The following FCAR variants were observed in gnomAD, a reference collection of about 807,000 sequenced individuals.
The protein encoded by FCAR is Fc alpha receptor, also known as immunoglobulin alpha Fc receptor.
In FCAR, 21 loss-of-function variants were observed where a neutral mutation model predicts 27.1. The ratio of observed to expected loss-of-function variants is 0.77; its 90% confidence interval spans 0.55 to 1.11. The LOEUF (loss-of-function observed/expected upper bound fraction) is 1.11, where lower values mean the gene tolerates loss of function less well. Among genes scored for constraint, FCAR ranks in the 50% most tolerant of loss-of-function variants. The pLI is 0.00. For synonymous variants in FCAR, 134 were observed against 135.8 expected (o/e 0.99, Z 0.09); for missense variants, 404 against 358.4 (o/e 1.13, Z -1.03).
At chr19:54,878,182 G>C (rs587615526) in intron 2 of FCAR, among the ~76,000 whole-genome samples, 1 of 152,340 alleles carries the variant, frequency 6.6e-6, no homozygotes, top group Admixed American at 6.5e-5. Context: ...TTCCCAAAGT[G>C]CTGGGATTAC....
intron 2 of FCAR, among the ~76,000 whole-genome samples, chr19:54,875,917 C>T (rs1276208444): frequency 6.6e-6 from 1 of 152,136 alleles, no homozygotes; most frequent in Non-Finnish European, 1.5e-5. Flanking sequence ...CCTTCTAAAG[C>T]CTGAATTATT....
rs781208047 is a variant in FCAR at position 54,875,376 on chromosome 19, T to G, written c.70+11T>G. On this transcript the variant is annotated intron_variant, in intron 2 of 4. Transcript: ENST00000355524. The stretch of plus-strand genomic sequence containing the variant: ...TTCAGGCACAGGAAGGTAAGTGTCC[T>G]GTAAATCTCTCCCAGCCCCTTTAGA... The G allele has an allele frequency of 1.9e-6, 3 of 1,611,914 alleles. No individual in the cohort carries two copies. In the East Asian group the frequency reaches 6.7e-5, roughly 36 times the overall value.
intron 3 of FCAR, among the ~76,000 whole-genome samples, chr19:54,887,556 G>T (rs924577510): frequency 1.3e-5 from 2 of 151,906 alleles, no homozygotes; most frequent in African/African-American, 2.4e-5. Flanking sequence ...CGGAGGTGGA[G>T]GTTGCAGTGA....
At chr19:54,880,378 G>A (rs150089918) in intron 2 of FCAR, among the ~76,000 whole-genome samples, 2,530 of 152,170 alleles carry the variant, frequency 0.017, 37 homozygotes, top group Non-Finnish European at 0.024. Flanking sequence ...ATGAAATCTC[G>A]TAGTGTGTTT....
At chr19:54,879,745 G>A (rs1457713055) in intron 2 of FCAR, among the ~76,000 whole-genome samples, 2 of 150,532 alleles carry the variant, frequency 1.3e-5, no homozygotes, top group Non-Finnish European at 2.9e-5. Flanking sequence ...GTGCAATGGC[G>A]TGATCTCGGC....
intron 2 of FCAR, among the ~76,000 whole-genome samples, chr19:54,876,735 C>T (rs377392263): frequency 3.1e-4 from 47 of 152,180 alleles, no homozygotes; most frequent in African/African-American, 9.2e-4. Context: ...CTGGCTAACA[C>T]GGTGAAACCT....
chr19:54,884,965 T>C (rs1330532272), intron 2 of FCAR, among the ~76,000 whole-genome samples: 1 of 151,894 alleles, frequency 6.6e-6, no homozygotes, highest in Non-Finnish European at 1.5e-5. Context: ...CGCCACCACG[T>C]CCTGCTAATT....
rs2066951270 is a variant in FCAR at position 54,889,570 on chromosome 19, C to T, written c.650-79C>T. 6 of 1,230,302 alleles carry T rather than the reference C, an allele frequency of 4.9e-6. No individual in the cohort carries two copies. The East Asian group carries it at 9.4e-5, about 19-fold the overall frequency. 76.2% of individuals were successfully genotyped at this position (1,230,302 alleles called of 1,614,324 possible). A position where few individuals can be genotyped will look rare whatever the true frequency, so the allele number is the denominator to read the frequency against. On this transcript the variant is annotated intron_variant, in intron 4 of 4. Coordinates refer to ENST00000355524, the MANE Select transcript of FCAR (RefSeq NM_002000.4). ...TTTGGCAAGCGAAAAGGAAAATGAGCTCCCGTTTCAGGGCTCTGGGGTTGG... is the reference window on the plus strand; with the variant it reads ...TTTGGCAAGCGAAAAGGAAAATGAGTTCCCGTTTCAGGGCTCTGGGGTTGG...
rs145316840 is a variant in FCAR, at chr19:54,890,030, G to A, written c.*167G>A. On this transcript the variant is annotated 3_prime_UTR_variant, in exon 5 of 5. Coordinates refer to ENST00000355524, the MANE Select transcript of FCAR (RefSeq NM_002000.4). Reference sequence around the variant, plus strand: ...GGCTGGAGTGCAGTGGAGCAATCTCGGCTCATTGAACCTCTTGGGTTCAAG... The same window carrying A: ...GGCTGGAGTGCAGTGGAGCAATCTCAGCTCATTGAACCTCTTGGGTTCAAG... 3.5e-3 allele frequency: 2,138 copies of A among 603,990 alleles called. 67 individuals are homozygous for A. In the East Asian group the frequency reaches 0.056, roughly 16 times the overall value. The allele number at this position is 603,990 out of a possible 1,614,324, so 37.4% of individuals were successfully genotyped here.
intron 4 of FCAR, among the ~76,000 whole-genome samples, 187 bp from the exon 5 acceptor site, chr19:54,889,462 C>G (rs1406456254): frequency 1.3e-5 from 2 of 151,902 alleles, no homozygotes; most frequent in Non-Finnish European, 2.9e-5. Flanking sequence ...CAGTTCCTTG[C>G]CCGTGAACAC....
chr19:54,884,141 G>A (rs935534116), intron 2 of FCAR, among the ~76,000 whole-genome samples: 2 of 152,128 alleles, frequency 1.3e-5, no homozygotes, highest in Non-Finnish European at 2.9e-5. Context: ...CCACGACCCC[G>A]GGCAGAGTTC....
intron 3 of FCAR, among the ~76,000 whole-genome samples, chr19:54,885,864 C>T (rs2066689535): frequency 6.6e-6 from 1 of 152,234 alleles, no homozygotes; most frequent in Non-Finnish European, 1.5e-5. Flanking sequence ...GTAATCCCAA[C>T]ACTTAGGGAA....
intron 1 of FCAR, among the ~76,000 whole-genome samples, chr19:54,874,999 T>C (rs149198346): frequency 0.042 from 6,350 of 152,058 alleles, 162 homozygotes; most frequent in Middle Eastern, 0.088. Context: ...TGAAACCCTG[T>C]CTCTACTAAA....
rs587676899 is a variant in FCAR, at chr19:54,876,657, T to C, written c.70+1292T>C. Among the ~76,000 whole-genome samples the C allele has an allele frequency of 9.3e-4, 142 of 152,250 alleles. 1 individual carries two copies. The highest frequency in any genetic ancestry group is 3.7e-3 in the South Asian group (18 of 4,830). Reference sequence around the variant, plus strand: ...TATATTGGCCGGGCACTGTGGCTCATGCCTGTAATCCCAGCACTTTGGGAA... The same window carrying C: ...TATATTGGCCGGGCACTGTGGCTCACGCCTGTAATCCCAGCACTTTGGGAA... On this transcript the variant is annotated intron_variant, in intron 2 of 4. Transcript: ENST00000355524.
intron 2 of FCAR, among the ~76,000 whole-genome samples, chr19:54,878,939 T>C (rs59264679): frequency 0.33 from 48,137 of 144,812 alleles, 8,122 homozygotes; most frequent in South Asian, 0.52. Context: ...AGTGCAGTGG[T>C]ATGATCTTGA....
intron 1 of FCAR, among the ~76,000 whole-genome samples, chr19:54,874,983 A>G (rs537193997): frequency 1.3e-5 from 2 of 152,258 alleles, no homozygotes; most frequent in East Asian, 3.9e-4. Flanking sequence ...ATCCTGGCCA[A>G]CATGGTGAAA....
At chr19:54,876,694 T>G (rs1366434057) in intron 2 of FCAR, among the ~76,000 whole-genome samples, 5,044 of 152,084 alleles carry the variant, frequency 0.033, 94 homozygotes, top group Middle Eastern at 0.071. Flanking sequence ...CCAAGGCTTG[T>G]GGATCATGAG....
In FCAR at chr19:54,888,303, C is replaced by T. The variant is rs368861845; in HGVS notation, c.649+9C>T. 1.5e-5 allele frequency: 25 copies of T among 1,613,204 alleles called. No homozygotes were observed. The highest frequency in any genetic ancestry group is 2.2e-5 in the South Asian group (2 of 90,904). On this transcript the variant is annotated intron_variant, in intron 4 of 4. Transcript: ENST00000355524. ...GGAGCTTGTGGTCACAGGTAGGTAC[C>T]GCCCAGTCCAGCCCTGTGTCTGGGT...
intron 2 of FCAR, among the ~76,000 whole-genome samples, chr19:54,880,260 T>C (rs942198233): frequency 3.6e-5 from 5 of 137,086 alleles, no homozygotes; most frequent in Middle Eastern, 3.7e-3. Context: ...ATTTTTATTC[T>C]TTTTCTTCAT....
Sources: gnomAD v4.1 joint callset for allele counts (sites outside exome capture counted in the v4.1 genomes callset) on GRCh38, gnomAD v4.1.1 for gene constraint, MANE v1.5 for transcripts, NCBI Gene and HGNC (gene_info 2026-07-23, HGNC 2026-07-21) for gene names.